Variants in HUWE1 observed in about 807,000 individuals in gnomAD.
HUWE1 encodes HECT, UBA and WWE domain containing E3 ubiquitin protein ligase 1.
Under a neutral mutation model 299.4 loss-of-function variants are expected in HUWE1, and 18 were observed. That is an observed-to-expected ratio of 0.06 (90% confidence interval 0.04 to 0.09). The LOEUF is 0.09. HUWE1 is among the 10% of genes least tolerant of loss of function. HUWE1 has a pLI of 1.00. For missense variants in HUWE1, 1,832 were observed against 3,462.3 expected (o/e 0.53, Z 11.82); for synonymous variants, 1,317 against 1,286.1 (o/e 1.02, Z -0.51).
intron 43 of HUWE1, 130 bp downstream of exon 43, chrX:53,580,701 A>G: frequency 1.6e-6 from 1 of 626,904 alleles, no homozygotes; most frequent in South Asian, 2.6e-5. Context: ...CAAACAATCA[A>G]TTAGCCAGCA....
chrX:53,650,223 C>G (rs782616010), intron 4 of HUWE1, among the ~76,000 whole-genome samples: 1 of 112,370 alleles, frequency 8.9e-6, no homozygotes, highest in South Asian at 3.7e-4. Flanking sequence ...ATGTGACCAA[C>G]CAATATGTTG....
At chrX:53,642,969 T>C (rs1228987642) in intron 7 of HUWE1, among the ~76,000 whole-genome samples, 4 of 112,222 alleles carry the variant, frequency 3.6e-5, no homozygotes, top group Non-Finnish European at 7.5e-5. Context: ...ATTACACCAA[T>C]TGTTTGCAAG....
chrX:53,668,748 T>A (rs2069378218), intron 3 of HUWE1, among the ~76,000 whole-genome samples: 1 of 112,261 alleles, frequency 8.9e-6, no homozygotes, highest in South Asian at 3.6e-4. Flanking sequence ...ATTCTACAGA[T>A]TGATAAGACA....
At chrX:53,552,576 T>C in intron 62 of HUWE1, 62 bp downstream of exon 62, 1 of 1,207,448 alleles carries the variant, frequency 8.3e-7, no homozygotes, top group Non-Finnish European at 1.1e-6. Context: ...TTGACGAGTA[T>C]GAAATGTGCT....
At chrX:53,653,209 G>C (rs1429060271) in intron 4 of HUWE1, among the ~76,000 whole-genome samples, 1 of 112,397 alleles carries the variant, frequency 8.9e-6, no homozygotes, top group Non-Finnish European at 1.9e-5. Flanking sequence ...TTATCTTTTG[G>C]TGATACTTGC....
chrX:53,583,316 A>T (rs2063713381), intron 42 of HUWE1, among the ~76,000 whole-genome samples: 1 of 109,815 alleles, frequency 9.1e-6, no homozygotes, highest in Non-Finnish European at 1.9e-5. Context: ...AAAAAAAAAA[A>T]AAGAAAAAAA....
chrX:53,586,475 T>C lies in HUWE1; in HGVS notation c.4824+15A>G, dbSNP rs1556973379. 5.2e-6 allele frequency: 6 copies of C among 1,149,787 alleles called. 1 individual carries two copies. In the Admixed American group the frequency reaches 1.1e-4, roughly 21 times the overall value. 94.8% of individuals were successfully genotyped at this position (1,149,787 alleles called of 1,213,427 possible). On this transcript the variant is annotated intron_variant, in intron 39 of 83. Coordinates refer to ENST00000262854, the MANE Select transcript of HUWE1 (RefSeq NM_031407.7). The stretch of plus-strand genomic sequence containing the variant: ...AGCTAAACCGTCCTGCAGTCATACA[T>C]ACTACATTACACACCTTAGTCATCT...
intron 43 of HUWE1, among the ~76,000 whole-genome samples, chrX:53,578,622 G>A (rs1240612151): frequency 2.1e-5 from 2 of 95,528 alleles, no homozygotes; most frequent in African/African-American, 4.0e-5. Context: ...CCGTCCGGGA[G>A]GGAGGTGGGG....
intron 7 of HUWE1, among the ~76,000 whole-genome samples, chrX:53,637,568 T>C (rs956634547): frequency 1.6e-4 from 18 of 112,582 alleles, no homozygotes; most frequent in Non-Finnish European, 3.0e-4. Flanking sequence ...CTTTTATTAG[T>C]GTCACCACAA....
At chrX:53,578,600 C>T (rs1175651752) in intron 43 of HUWE1, among the ~76,000 whole-genome samples, 13 of 94,462 alleles carry the variant, frequency 1.4e-4, no homozygotes, top group African/African-American at 4.4e-4. Flanking sequence ...GCCCCCTGCC[C>T]GGCCAGCCGC....
chrX:53,535,852 T>TC (rs782137084), intron 80 of HUWE1: 3 of 369,120 alleles, frequency 8.1e-6, no homozygotes, highest in East Asian at 4.7e-5. Context: ...GCCTTCATTT[T>TC]CCCCCCACTT....
chrX:53,659,580 G>A (rs6638413), intron 3 of HUWE1, among the ~76,000 whole-genome samples: 44,133 of 110,690 alleles, frequency 0.4, 7,769 homozygotes, highest in Non-Finnish European at 0.53. Context: ...AGGATTTTTT[G>A]GCCAGTGAAA....
chrX:53,642,198 G>A (rs923066857), intron 7 of HUWE1, among the ~76,000 whole-genome samples: 5 of 112,078 alleles, frequency 4.5e-5, no homozygotes, highest in South Asian at 7.4e-4. Flanking sequence ...TCATGTATCT[G>A]TCCCATTATT....
At chrX:53,617,747 G>A (rs2065883571) in intron 19 of HUWE1, among the ~76,000 whole-genome samples, 1 of 111,264 alleles carries the variant, frequency 9.0e-6, no homozygotes, top group Non-Finnish European at 1.9e-5. Flanking sequence ...CCGACACAAC[G>A]ACCCATTCAT....
rs1429578706 is a variant in HUWE1 at position 53,645,737 on chromosome X, ATATATATATATATATATATAT to A, written c.352-295_352-275del. Among the ~76,000 whole-genome samples, 4 of 38,309 alleles carry A rather than the reference ATATATATATATATATATATAT, an allele frequency of 1.0e-4. 1 individual carries two copies. Among genetic ancestry groups the A allele is most frequent in the African/African-American group, 2.9e-4 (3 of 10,452 alleles). 33.3% of individuals were successfully genotyped at this position (38,309 alleles called of 115,157 possible). A position where few individuals can be genotyped will look rare whatever the true frequency, so the allele number is the denominator to read the frequency against. On this transcript the variant is annotated intron_variant, in intron 6 of 83. Coordinates refer to ENST00000262854, the MANE Select transcript of HUWE1 (RefSeq NM_031407.7). ...CAAAAAAAGAAAAAAAAAAAAAAAA[ATATATATATATATATATATAT>A]ATATATATATATATATATGTATTTG...
chrX:53,549,301 C>T lies in HUWE1; in HGVS notation c.9693G>A (p.Gln3231=). 4 of 1,211,881 alleles carry T rather than the reference C, an allele frequency of 3.3e-6. No individual in the cohort carries two copies. Among genetic ancestry groups the T allele is most frequent in the Non-Finnish European group, 4.5e-6 (4 of 895,456 alleles). The change falls in exon 67 of 84, where the codon CAG becomes CAA. Residue 3231 remains glutamine, a synonymous_variant. Transcript: ENST00000262854. ...WVIRSLLSIL[Q]RSSESELCIE... Reference sequence around the variant, plus strand: ...TGCATAGCTCACTCTCACTGCTGCGCTGCAAGATGGAGAGCAGACTGCGGA... The same window carrying T: ...TGCATAGCTCACTCTCACTGCTGCGTTGCAAGATGGAGAGCAGACTGCGGA...
In HUWE1 at chrX:53,569,784, T is replaced by G. The variant is rs2062736005; in HGVS notation, c.6356A>C (p.His2119Pro). 1 of 1,210,786 alleles carries G rather than the reference T, an allele frequency of 8.3e-7. No homozygotes were observed. Among genetic ancestry groups the G allele is most frequent in the African/African-American group, 1.7e-5 (1 of 57,371 alleles). The change falls in exon 48 of 84, where the codon CAT (histidine) becomes CCT (proline). Residue 2119 changes from histidine to proline, a missense_variant. Around this residue, in one of 15 missense-constraint regions of HUWE1, gnomAD observed 157 missense variants for 252.3 expected, o/e 0.62. Coordinates refer to ENST00000262854, the MANE Select transcript of HUWE1 (RefSeq NM_031407.7). ...GTCCTTGTCTTCTGCATTCTGGGTA[T>G]GTGGGAGCAGGTGGTCCAGAACAAA... ...LAFVLDHLLP[H>P]TQNAEDKDTP...
intron 12 of HUWE1, among the ~76,000 whole-genome samples, chrX:53,630,686 A>AG (rs1285673334): frequency 9.1e-6 from 1 of 110,130 alleles, no homozygotes; most frequent in East Asian, 2.8e-4. Context: ...AAAAAAAAAA[A>AG]AGAGACGAAT....
rs782721322 is a variant in HUWE1 at position 53,568,793 on chromosome X, C to T, written c.6606G>A (p.Ala2202=). 5.1e-5 allele frequency: 62 copies of T among 1,207,647 alleles called. No homozygotes were observed. Among genetic ancestry groups the T allele is most frequent in the East Asian group, 2.1e-4 (7 of 33,749 alleles). The change falls in exon 49 of 84, where the codon GCG becomes GCA. Residue 2202 remains alanine, a synonymous_variant. Transcript: ENST00000262854. The part of the protein sequence containing the change: ...STSSFYSSAT[A]KTQHNGMNNI... ...TGTTCATGCCATTGTGCTGGGTCTT[C>T]GCTGTGGCACTGCTGTAGAAGCTGG...
Sources: allele counts gnomAD v4.1 joint callset (sites outside exome capture counted in the v4.1 genomes callset), GRCh38; gene constraint gnomAD v4.1.1; regional missense constraint gnomAD v4.1.1; transcripts MANE v1.5; gene names NCBI Gene and HGNC (gene_info 2026-07-23, HGNC 2026-07-21).